The following TRPM3 variants were observed in gnomAD, a reference collection of about 807,000 sequenced individuals.
The protein encoded by TRPM3 is transient receptor potential cation channel subfamily M member 3, also known as long transient receptor potential channel 3.
In TRPM3, 77 loss-of-function variants were observed where a neutral mutation model predicts 181.2. The observed-to-expected ratio is 0.42, with a 90% CI of 0.35 to 0.51. The LOEUF is 0.51. Among genes scored for constraint, TRPM3 ranks in the 20% least tolerant of loss-of-function variants. TRPM3 has a pLI of 0.01. For missense variants in TRPM3, 1,759 were observed against 2,196.7 expected (o/e 0.80, Z 3.98); for synonymous variants, 745 against 796.4 (o/e 0.94, Z 1.09).
intron 1 of TRPM3, among the ~76,000 whole-genome samples, chr9:70,888,498 T>G (rs1319386698): frequency 6.6e-6 from 1 of 152,082 alleles, no homozygotes; most frequent in Non-Finnish European, 1.5e-5. Flanking sequence ...AAGTTTACTA[T>G]TTTTTATTAG....
chr9:71,229,289 T>A (rs1294413873), intron 1 of TRPM3, among the ~76,000 whole-genome samples: 1 of 152,194 alleles, frequency 6.6e-6, no homozygotes, highest in African/African-American at 2.4e-5. Context: ...ACTAGGCCCC[T>A]ATCTCTCACC....
chr9:70,645,908 G>T (rs2058772123), intron 9 of TRPM3, among the ~76,000 whole-genome samples: 1 of 152,142 alleles, frequency 6.6e-6, no homozygotes, highest in Admixed American at 6.5e-5. Context: ...TGATCAAAAA[G>T]TGGGCAAAGG....
At chr9:70,683,315 G>A (rs1326488495) in intron 8 of TRPM3, among the ~76,000 whole-genome samples, 1 of 151,566 alleles carries the variant, frequency 6.6e-6, no homozygotes, top group Non-Finnish European at 1.5e-5. Context: ...AATCTCCTGG[G>A]TTCAAACAAT....
intron 1 of TRPM3, among the ~76,000 whole-genome samples, chr9:71,009,548 T>G (rs1199585456): frequency 1.3e-5 from 2 of 151,916 alleles, no homozygotes; most frequent in Admixed American, 6.6e-5. Flanking sequence ...ACCTCTACAA[T>G]AAAAACTATA....
chr9:70,838,309 A>G (rs1313352718), intron 5 of TRPM3, among the ~76,000 whole-genome samples: 1 of 152,140 alleles, frequency 6.6e-6, no homozygotes, highest in African/African-American at 2.4e-5. Context: ...CAAGGCGATA[A>G]TGAGGAGAGG....
intron 10 of TRPM3, among the ~76,000 whole-genome samples, chr9:70,639,636 G>A (rs760272919): frequency 6.6e-6 from 1 of 152,130 alleles, no homozygotes; most frequent in Non-Finnish European, 1.5e-5. Flanking sequence ...ACAGACCAAA[G>A]GCCCTAAATC....
At chr9:71,262,885 G>A (rs963896830) in intron 1 of TRPM3, among the ~76,000 whole-genome samples, 3 of 151,802 alleles carry the variant, frequency 2.0e-5, no homozygotes, top group Admixed American at 2.0e-4. Flanking sequence ...GGGTACTTCA[G>A]TTGGAAATGC....
At chr9:71,267,436 A>G (rs1053507393) in intron 1 of TRPM3, among the ~76,000 whole-genome samples, 1 of 152,152 alleles carries the variant, frequency 6.6e-6, no homozygotes, top group African/African-American at 2.4e-5. Flanking sequence ...AGCTCTGTAG[A>G]TGGTTGTTGA....
chr9:71,231,659 C>T (rs935500558), intron 1 of TRPM3, among the ~76,000 whole-genome samples: 1 of 152,176 alleles, frequency 6.6e-6, no homozygotes, highest in African/African-American at 2.4e-5. Flanking sequence ...GGCCATTATC[C>T]TAAGTAAATT....
chr9:71,189,922 C>T (rs1197695732), intron 1 of TRPM3, among the ~76,000 whole-genome samples: 2 of 151,826 alleles, frequency 1.3e-5, no homozygotes, highest in East Asian at 3.9e-4. Context: ...ATAGTGTTTC[C>T]ACTCACATGT....
Position 70,620,374 on chromosome 9 carries a change from A to G in TRPM3, c.1840-9T>C, listed in dbSNP as rs570029134. 2 of 1,601,280 alleles carry G rather than the reference A, an allele frequency of 1.2e-6. No individual in the cohort carries two copies. Among genetic ancestry groups the G allele is most frequent in the East Asian group, 2.2e-5 (1 of 44,608 alleles). Reference sequence around the variant, plus strand: ...CTCAAGGGAATATCATCCTGTAATTACAGGGAAACCACACAGACTGAGTTA... The same window carrying G: ...CTCAAGGGAATATCATCCTGTAATTGCAGGGAAACCACACAGACTGAGTTA... On this transcript the variant is annotated splice_polypyrimidine_tract_variant and intron_variant, in intron 15 of 25. Transcript: ENST00000677713.
chr9:71,201,182 A>C (rs1426677883), intron 1 of TRPM3, among the ~76,000 whole-genome samples: 1 of 151,820 alleles, frequency 6.6e-6, no homozygotes, highest in Non-Finnish European at 1.5e-5. Flanking sequence ...TCTTTTCTTT[A>C]AGAATGTTGA....
intron 6 of TRPM3, among the ~76,000 whole-genome samples, chr9:70,803,053 AAAAAAAC>A (rs751126829): frequency 0.061 from 7,621 of 125,674 alleles, 342 homozygotes; most frequent in Non-Finnish European, 0.083. Flanking sequence ...AAAAAAAAAA[AAAAAAAC>A]AAAGGCCCAA....
chr9:71,172,540 GGCACCACAAGCGA>G (rs1256081273), intron 1 of TRPM3, among the ~76,000 whole-genome samples: 4 of 152,024 alleles, frequency 2.6e-5, no homozygotes, highest in Non-Finnish European at 5.9e-5. Context: ...TCGAGTAACT[GGCACCACAAGCGA>G]GTACCACCAT....
intron 1 of TRPM3, among the ~76,000 whole-genome samples, chr9:71,138,459 A>T (rs2074902110): frequency 6.6e-6 from 1 of 152,206 alleles, no homozygotes; most frequent in Non-Finnish European, 1.5e-5. Flanking sequence ...TTTTAAATGA[A>T]AAATTTGTCC....
chr9:71,101,380 A>G (rs1265586137), intron 1 of TRPM3, among the ~76,000 whole-genome samples: 3 of 152,146 alleles, frequency 2.0e-5, no homozygotes, highest in Admixed American at 6.6e-5. Context: ...TTCCATGGAA[A>G]CTAATGTAGG....
At chr9:70,593,916 CATT>C (rs2058555879) in intron 21 of TRPM3, among the ~76,000 whole-genome samples, 1 of 145,640 alleles carries the variant, frequency 6.9e-6, no homozygotes, top group Admixed American at 6.9e-5. Flanking sequence ...GTATAATATA[CATT>C]ATAATGTATA....
chr9:71,327,148 C>T (rs1335720001), intron 1 of TRPM3, among the ~76,000 whole-genome samples: 1 of 152,180 alleles, frequency 6.6e-6, no homozygotes, highest in Non-Finnish European at 1.5e-5. Flanking sequence ...CCTTGGACCA[C>T]GGCATCTGCC....
chr9:70,793,826 C>G (rs558975783), intron 6 of TRPM3: 1 of 318,984 alleles, frequency 3.1e-6, no homozygotes, highest in Admixed American at 3.9e-5. Context: ...TACCACCATT[C>G]GTCTTTCATT....
Sources: allele counts gnomAD v4.1 joint callset (sites outside exome capture counted in the v4.1 genomes callset), GRCh38; gene constraint gnomAD v4.1.1; transcripts MANE v1.5; gene names NCBI Gene and HGNC (gene_info 2026-07-23, HGNC 2026-07-21).